Variants in GRM5 observed in about 807,000 individuals in gnomAD.
GRM5 encodes glutamate metabotropic receptor 5.
In GRM5, 19 loss-of-function variants were observed where a neutral mutation model predicts 83.1. That is an observed-to-expected ratio of 0.23 (90% CI 0.16 to 0.34). GRM5 has a LOEUF of 0.34. GRM5 is among the 10% of genes least tolerant of loss of function. GRM5 has a pLI of 1.00. For synonymous variants in GRM5, 675 were observed against 633.6 expected (o/e 1.07, Z -0.98); for missense variants, 1,160 against 1,588.3 (o/e 0.73, Z 4.58).
chr11:88,642,466 T>C (rs1180055881), intron 4 of GRM5, among the ~76,000 whole-genome samples: 1 of 152,190 alleles, frequency 6.6e-6, no homozygotes, highest in African/African-American at 2.4e-5. Context: ...AAGTGGTTGC[T>C]CCACAGCCTG....
chr11:89,051,669 C>T (rs2135157613), intron 1 of GRM5, among the ~76,000 whole-genome samples: 1 of 152,202 alleles, frequency 6.6e-6, no homozygotes, highest in South Asian at 2.1e-4. Context: ...AAGATTGTGC[C>T]ACTGCACTCC....
rs937932713 is a variant in GRM5 at position 88,507,661 on chromosome 11, C to T, written c.*931G>A. 3 of 152,260 alleles carry T rather than the reference C, an allele frequency of 2.0e-5. No homozygotes were observed. The highest frequency in any genetic ancestry group is 4.4e-5 in the Non-Finnish European group (3 of 68,036). The allele number at this position is 152,260 out of a possible 1,614,324, so 9.4% of individuals were successfully genotyped here. A position where few individuals can be genotyped will look rare whatever the true frequency, so the allele number is the denominator to read the frequency against. On this transcript the variant is annotated 3_prime_UTR_variant, in exon 10 of 10. Coordinates refer to ENST00000305447, the MANE Select transcript of GRM5 (RefSeq NM_001143831.3). ...TTGGCAATGCAAACGCAACAGCATT[C>T]CTAAAGAGTGGCCATGTTTCTTGAA... is the stretch of plus-strand genomic sequence containing the variant.
intron 3 of GRM5, among the ~76,000 whole-genome samples, chr11:88,747,719 G>T (rs1176759753): frequency 7.2e-6 from 1 of 139,122 alleles, no homozygotes; most frequent in Admixed American, 7.1e-5. Context: ...AAAAAAAAAA[G>T]ATCACGTAAC....
chr11:88,901,258 A>T (rs1945310939), intron 2 of GRM5, among the ~76,000 whole-genome samples: 1 of 152,106 alleles, frequency 6.6e-6, no homozygotes, highest in African/African-American at 2.4e-5. Flanking sequence ...ATCATAGCTA[A>T]TATCTATTGA....
At chr11:88,715,804 G>A (rs893589127) in intron 3 of GRM5, among the ~76,000 whole-genome samples, 3 of 151,920 alleles carry the variant, frequency 2.0e-5, no homozygotes, top group Non-Finnish European at 2.9e-5. Context: ...TTTTATTTTC[G>A]GTGGAAAGAA....
chr11:89,008,426 A>C (rs1940590578), intron 2 of GRM5, among the ~76,000 whole-genome samples: 1 of 152,076 alleles, frequency 6.6e-6, no homozygotes, highest in African/African-American at 2.4e-5. Context: ...ATTCCTGCAA[A>C]ATTGTTTTAC....
At chr11:88,934,787 T>C (rs1282276373) in intron 2 of GRM5, among the ~76,000 whole-genome samples, 1 of 151,912 alleles carries the variant, frequency 6.6e-6, no homozygotes, top group Non-Finnish European at 1.5e-5. Flanking sequence ...AATATTATTA[T>C]AATAAAAATG....
intron 3 of GRM5, among the ~76,000 whole-genome samples, chr11:88,750,781 C>T (rs1321169804): frequency 6.6e-6 from 1 of 151,992 alleles, no homozygotes; most frequent in Admixed American, 6.6e-5. Context: ...CACTGAAAAC[C>T]ACACACCTAC....
chr11:88,622,751 T>C (rs1478280014), intron 4 of GRM5, among the ~76,000 whole-genome samples: 1 of 152,188 alleles, frequency 6.6e-6, no homozygotes, highest in Non-Finnish European at 1.5e-5. Context: ...TAAATATTTG[T>C]TAAGAATCTA....
chr11:88,984,067 A>C (rs1204760250), intron 2 of GRM5, among the ~76,000 whole-genome samples: 2 of 152,226 alleles, frequency 1.3e-5, no homozygotes, highest in East Asian at 1.9e-4. Context: ...AAGTTTATAA[A>C]GTAAAAAAGT....
Position 88,567,754 on chromosome 11 carries a change from G to A in GRM5, c.1929C>T (p.Tyr643=). 6.2e-7 allele frequency: 1 copy of A among 1,614,050 alleles called. No homozygotes were observed. Among genetic ancestry groups the A allele is most frequent in the Non-Finnish European group, 8.5e-7 (1 of 1,179,926 alleles). The change falls in exon 8 of 10, where the codon TAC becomes TAT. Residue 643 remains tyrosine, a synonymous_variant. Coordinates refer to ENST00000305447, the MANE Select transcript of GRM5 (RefSeq NM_001143831.3). The surrounding 1 kb of genome is among the most constrained non-coding windows in gnomAD (Gnocchi z 7.3). ...FCLIAKPKQI[Y]CYLQRIGIGL... is the part of the protein sequence containing the mutation. ...CAATGCCAATTCTCTGAAGGTAGCA[G>A]TAAATCTGTTTGGGCTTCGCAATGA...
At chr11:88,971,335 G>A (rs1314842408) in intron 2 of GRM5, among the ~76,000 whole-genome samples, 1 of 152,070 alleles carries the variant, frequency 6.6e-6, no homozygotes, top group Non-Finnish European at 1.5e-5. Context: ...TTGACATATA[G>A]GTAAATTGTG....
At chr11:88,895,584 A>G (rs1945215996) in intron 2 of GRM5, among the ~76,000 whole-genome samples, 1 of 152,012 alleles carries the variant, frequency 6.6e-6, no homozygotes, top group Non-Finnish European at 1.5e-5. Flanking sequence ...TACTATTGGT[A>G]TTCATTATTT....
At chr11:88,545,128 A>G (rs1246169356) in intron 8 of GRM5, among the ~76,000 whole-genome samples, 1 of 152,022 alleles carries the variant, frequency 6.6e-6, no homozygotes, top group Non-Finnish European at 1.5e-5. Context: ...ACTATTGACT[A>G]CTTCTTCATC....
intron 3 of GRM5, among the ~76,000 whole-genome samples, chr11:88,755,776 C>A (rs1292281815): frequency 2.0e-5 from 3 of 151,990 alleles, no homozygotes; most frequent in Non-Finnish European, 4.4e-5. Context: ...TAGAAGCTGC[C>A]CTTGAGAATA....
In GRM5 at chr11:88,972,347, C is replaced by A. The variant is rs142686360; in HGVS notation, c.661+74865G>T. Among the ~76,000 whole-genome samples, 498 of 152,216 alleles carry A rather than the reference C, an allele frequency of 3.3e-3. 1 individual carries two copies. The highest frequency in any genetic ancestry group is 6.8e-3 in the Middle Eastern group (2 of 294). On this transcript the variant is annotated intron_variant, in intron 2 of 9. Coordinates refer to ENST00000305447, the MANE Select transcript of GRM5 (RefSeq NM_001143831.3). Reference sequence around the variant, plus strand: ...CATACTCTTAGTCTATAAGAGAGAGCACTCCTGACTGAAATTGGCCAGAAG... The same window carrying A: ...CATACTCTTAGTCTATAAGAGAGAGAACTCCTGACTGAAATTGGCCAGAAG...
At chr11:88,901,606 A>T (rs1477557025) in intron 2 of GRM5, among the ~76,000 whole-genome samples, 1 of 152,130 alleles carries the variant, frequency 6.6e-6, no homozygotes, top group Non-Finnish European at 1.5e-5. Flanking sequence ...TTTGTGCATT[A>T]TGGTGAATGA....
intron 3 of GRM5, among the ~76,000 whole-genome samples, chr11:88,797,130 T>A (rs1315867230): frequency 6.6e-6 from 1 of 151,970 alleles, no homozygotes; most frequent in East Asian, 1.9e-4. Flanking sequence ...TTTTACTTGT[T>A]GTTGTTGTTT....
intron 7 of GRM5, among the ~76,000 whole-genome samples, chr11:88,570,714 T>A (rs1224079002): frequency 6.7e-6 from 1 of 149,832 alleles, no homozygotes; most frequent in African/African-American, 2.5e-5. Flanking sequence ...TGAGCTGGGA[T>A]TACAGGCACT....
Sources: allele counts gnomAD v4.1 joint callset (sites outside exome capture counted in the v4.1 genomes callset), GRCh38; gene constraint gnomAD v4.1.1; non-coding constraint Gnocchi (gnomAD v3.1); transcripts MANE v1.5; gene names NCBI Gene and HGNC (gene_info 2026-07-23, HGNC 2026-07-21).